The following COL19A1 variants were observed in gnomAD, a reference collection of about 807,000 sequenced individuals.
COL19A1 encodes collagen alpha-1(XIX) chain.
In COL19A1, 159 loss-of-function variants were observed where a neutral mutation model predicts 190.2. The ratio of observed to expected loss-of-function variants is 0.84; its 90% CI spans 0.73 to 0.95. The LOEUF (loss-of-function observed/expected upper bound fraction) is 0.95. Among genes scored for constraint, COL19A1 ranks in the 40% least tolerant of loss-of-function variants. The pLI is 0.00. For synonymous variants in COL19A1, 509 were observed against 458.9 expected, an observed-to-expected ratio of 1.11 and a Z score of -1.39; for missense variants, 1,418 against 1,431.9, an observed-to-expected ratio of 0.99 and a Z score of 0.16.
At chr6:70,164,350 C>G (rs552599163) in intron 36 of COL19A1, among the ~76,000 whole-genome samples, 1 of 152,028 alleles carries the variant, frequency 6.6e-6, no homozygotes, top group Non-Finnish European at 1.5e-5. Context: ...CTATTTAGAT[C>G]GGGGAAGTAA....
At chr6:69,910,982 G>A (rs1770874781) in intron 4 of COL19A1, among the ~76,000 whole-genome samples, 1 of 152,156 alleles carries the variant, frequency 6.6e-6, no homozygotes, top group Non-Finnish European at 1.5e-5. Context: ...ATGAATTAGA[G>A]AATTGACCTT....
chr6:69,910,081 A>G (rs1770812355), intron 4 of COL19A1, among the ~76,000 whole-genome samples: 1 of 152,148 alleles, frequency 6.6e-6, no homozygotes, highest in Admixed American at 6.5e-5. Flanking sequence ...ATTTATTGGT[A>G]CAGCTACTTG....
At chr6:70,190,413 T>C in intron 48 of COL19A1, 32 bp downstream of exon 48, 1 of 1,406,568 alleles carries the variant, frequency 7.1e-7, no homozygotes, top group South Asian at 1.2e-5. Context: ...TTTCGAATTT[T>C]TCACTGATTC....
rs1554166223 is a variant in COL19A1 at position 69,921,411 on chromosome 6, C to CATATATCAT, written c.267-6466_267-6458dup. On this transcript the variant is annotated intron_variant, in intron 4 of 50. Transcript: ENST00000620364. ...CATATATATCATATATCATATATAT[C>CATATATCAT]ATATATCATATATATCATATATATC... Among the ~76,000 whole-genome samples the CATATATCAT allele has an allele frequency of 8.2e-4, 67 of 82,078 alleles. 1 individual carries two copies. The highest frequency in any genetic ancestry group is 1.0e-3 in the Non-Finnish European group (46 of 45,296). 53.8% of individuals were successfully genotyped at this position (82,078 alleles called of 152,430 possible).
At chr6:70,167,777 C>G (rs555882287) in intron 37 of COL19A1, among the ~76,000 whole-genome samples, 1 of 152,318 alleles carries the variant, frequency 6.6e-6, no homozygotes, top group African/African-American at 2.4e-5. Context: ...ATTAATTAAA[C>G]CCCAACTGAA....
chr6:69,916,272 A>C (rs961609832), intron 4 of COL19A1, among the ~76,000 whole-genome samples: 1 of 152,158 alleles, frequency 6.6e-6, no homozygotes, highest in African/African-American at 2.4e-5. Context: ...TGCTTGGTGA[A>C]CCATGGCACA....
At chr6:70,193,701 C>G (rs1767018509) in intron 48 of COL19A1, among the ~76,000 whole-genome samples, 1 of 152,218 alleles carries the variant, frequency 6.6e-6, no homozygotes, top group South Asian at 2.1e-4. Context: ...CCTTTTGTCT[C>G]TCTTGACACT....
At chr6:70,199,529 T>A (rs1186562378) in intron 48 of COL19A1, 79 bp from the exon 49 acceptor site, 1 of 1,108,190 alleles carries the variant, frequency 9.0e-7, no homozygotes, top group Non-Finnish European at 1.2e-6. Context: ...TTTGTTTGTT[T>A]GATTTCATGT....
At chr6:70,097,146 A>T (rs182637870) in intron 15 of COL19A1, among the ~76,000 whole-genome samples, 22 of 152,142 alleles carry the variant, frequency 1.4e-4, no homozygotes, top group Admixed American at 3.3e-4. Context: ...CCAGGTGTTT[A>T]TAAATCAAAA....
intron 1 of COL19A1, among the ~76,000 whole-genome samples, chr6:69,877,015 TA>T (rs1236875763): frequency 6.6e-6 from 1 of 152,224 alleles, no homozygotes; most frequent in Non-Finnish European, 1.5e-5. Flanking sequence ...ATGCTGATCT[TA>T]GGGTATTTGG....
chr6:69,921,395 C>CATATATATCATATATATCATATATATCAT lies in COL19A1; in HGVS notation c.267-6508_267-6507insATCATATATATCATATATATCATATATAT, dbSNP rs374740274. ...TATATATCATATATATCATATATAT[C>CATATATATCATATATATCATATATATCAT]ATATATCATATATATCATATATCAT... On this transcript the variant is annotated intron_variant, in intron 4 of 50. Transcript: ENST00000620364. Among the ~76,000 whole-genome samples, 230 of 80,214 alleles carry CATATATATCATATATATCATATATATCAT rather than the reference C, an allele frequency of 2.9e-3. 14 individuals are homozygous for CATATATATCATATATATCATATATATCAT. Among genetic ancestry groups the CATATATATCATATATATCATATATATCAT allele is most frequent in the African/African-American group, 9.5e-3 (153 of 16,048 alleles). The allele number at this position is 80,214 out of a possible 152,430, so 52.6% of individuals were successfully genotyped here.
intron 14 of COL19A1, among the ~76,000 whole-genome samples, chr6:70,048,460 C>T (rs1424222250): frequency 6.6e-6 from 1 of 152,032 alleles, no homozygotes; most frequent in Non-Finnish European, 1.5e-5. Flanking sequence ...CCTGCAGACA[C>T]AGTAACAAAC....
chr6:69,994,108 C>G (rs1776772012), intron 11 of COL19A1, among the ~76,000 whole-genome samples: 2 of 151,960 alleles, frequency 1.3e-5, no homozygotes, highest in South Asian at 4.1e-4. Flanking sequence ...ACATTTTCCC[C>G]TTTACAAAAG....
At chr6:69,896,490 T>C (rs952345842) in intron 2 of COL19A1, among the ~76,000 whole-genome samples, 3 of 136,408 alleles carry the variant, frequency 2.2e-5, no homozygotes, top group Admixed American at 1.7e-4. Context: ...TGAGCCGAGA[T>C]TGCGCCACTG....
At chr6:70,137,604 A>C in intron 18 of COL19A1, 81 bp from the exon 19 acceptor site, 2 of 1,286,776 alleles carry the variant, frequency 1.6e-6, no homozygotes, top group South Asian at 2.5e-5. Flanking sequence ...GCAGGAGAGC[A>C]AGCAATCATT....
Position 70,143,252 on chromosome 6 carries a change from C to T in COL19A1, c.1626+432C>T, listed in dbSNP as rs1786381094. 2.0e-5 allele frequency among the ~76,000 whole-genome samples: 3 copies of T among 152,106 alleles called. 1 individual carries two copies. The highest frequency in any genetic ancestry group is 6.5e-5 in the Admixed American group (1 of 15,278). ...CTATCATTTTCTAGCAAAAGCCTTC[C>T]AAAAAAAGCAAGTCTTTTGGCTAAA... On this transcript the variant is annotated intron_variant, in intron 23 of 50. Transcript: ENST00000620364.
intron 4 of COL19A1, among the ~76,000 whole-genome samples, chr6:69,917,352 G>C (rs1771371341): frequency 6.6e-6 from 1 of 152,150 alleles, no homozygotes; most frequent in Non-Finnish European, 1.5e-5. Context: ...CCTTATGCAA[G>C]ATAACATAGA....
intron 4 of COL19A1, among the ~76,000 whole-genome samples, chr6:69,925,289 C>T (rs1016182741): frequency 2.6e-5 from 4 of 152,178 alleles, no homozygotes; most frequent in African/African-American, 2.4e-5. Context: ...GATCCAGTTT[C>T]AGCTTTCTAC....
In COL19A1 at chr6:69,927,813, G is replaced by C. The variant is rs1220210763; in HGVS notation, c.267-96G>C. ...GTTACACATTTACTGAGAAAAATAT[G>C]ACTGAGATATTGTGTTACACAGAAC... is the stretch of plus-strand genomic sequence containing the variant. On this transcript the variant is annotated intron_variant, in intron 4 of 50. Transcript: ENST00000620364. The C allele has an allele frequency of 8.5e-6, 12 of 1,408,670 alleles. 1 individual carries two copies. The East Asian group carries it at 2.6e-4, about 31-fold the overall frequency. 87.3% of individuals were successfully genotyped at this position (1,408,670 alleles called of 1,614,324 possible). A position where few individuals can be genotyped will look rare whatever the true frequency, so the allele number is the denominator to read the frequency against.
Sources: allele counts gnomAD v4.1 joint callset (sites outside exome capture counted in the v4.1 genomes callset), GRCh38; gene constraint gnomAD v4.1.1; transcripts MANE v1.5; gene names NCBI Gene and HGNC (gene_info 2026-07-23, HGNC 2026-07-21).